The following NPAS2 variants were observed in gnomAD, a reference collection of about 807,000 sequenced individuals.
NPAS2 encodes the protein neuronal PAS domain-containing protein 2.
Under a neutral mutation model 107.5 loss-of-function variants are expected in NPAS2, and 23 were observed. That is an observed-to-expected ratio of 0.21 (90% CI 0.15 to 0.30). The LOEUF (loss-of-function observed/expected upper bound fraction) is 0.30, where lower values mean the gene tolerates loss of function less well. Ranked by LOEUF, NPAS2 falls within the 10% of genes least tolerant of loss-of-function variation. The pLI is 1.00. For synonymous variants in NPAS2, 403 were observed against 417.5 expected (o/e 0.97, Z 0.42); for missense variants, 756 against 1,043.3 (o/e 0.72, Z 3.79).
At chr2:100,916,950 A>G (rs1012676215) in intron 2 of NPAS2, among the ~76,000 whole-genome samples, 10 of 152,226 alleles carry the variant, frequency 6.6e-5, no homozygotes, top group African/African-American at 2.4e-4. Context: ...AGTCTCAAGG[A>G]TATTAGAAAA....
intron 4 of NPAS2, among the ~76,000 whole-genome samples, chr2:100,934,592 A>C (rs1684183993): frequency 6.6e-6 from 1 of 152,196 alleles, no homozygotes; most frequent in South Asian, 2.1e-4. Context: ...TTCTGGGTGA[A>C]TGGCAGCTGT....
At chr2:100,930,718 T>C (rs1457207314) in intron 3 of NPAS2, among the ~76,000 whole-genome samples, 3 of 152,224 alleles carry the variant, frequency 2.0e-5, no homozygotes, top group African/African-American at 7.2e-5. Flanking sequence ...TTCAGTGTTA[T>C]TATGCTAGCG....
chr2:100,903,512 TA>T (rs1389296717), intron 1 of NPAS2, among the ~76,000 whole-genome samples: 1 of 152,220 alleles, frequency 6.6e-6, no homozygotes, highest in African/African-American at 2.4e-5. Flanking sequence ...ATCACAAAAC[TA>T]AATGAGCTCA....
At chr2:100,929,952 A>G (rs1683833173) in intron 3 of NPAS2, among the ~76,000 whole-genome samples, 2 of 152,232 alleles carry the variant, frequency 1.3e-5, no homozygotes, top group South Asian at 4.1e-4. Context: ...TCGGAAATGA[A>G]TTTTAATCCT....
chr2:100,833,123 G>A (rs774935166), intron 1 of NPAS2, among the ~76,000 whole-genome samples: 20 of 152,208 alleles, frequency 1.3e-4, no homozygotes, highest in Non-Finnish European at 2.1e-4. Flanking sequence ...AAATCACAGT[G>A]TGTGAGTGGC....
At chr2:100,925,441 C>A in intron 3 of NPAS2, 147 bp downstream of exon 3, 1 of 758,766 alleles carries the variant, frequency 1.3e-6, no homozygotes, top group Non-Finnish European at 2.1e-6. Context: ...AAAGACACTC[C>A]ACCCTCTATC....
At chr2:100,995,169 C>A (rs1678374088) in intron 20 of NPAS2, 1 of 471,298 alleles carries the variant, frequency 2.1e-6, no homozygotes, top group South Asian at 5.6e-5. Flanking sequence ...CCAGAAGGTG[C>A]CCCCACTATT....
intron 1 of NPAS2, among the ~76,000 whole-genome samples, chr2:100,842,081 G>GCGCGCGCACACACACACACACACACA: frequency 1.3e-3 from 188 of 148,896 alleles, no homozygotes; most frequent in Admixed American, 2.4e-3. Context: ...GCATGTACGC[G>GCGCGCGCACACACACACACACACACA]CACACACACA....
At chr2:100,849,388 C>A (rs1678002582) in intron 1 of NPAS2, among the ~76,000 whole-genome samples, 1 of 152,146 alleles carries the variant, frequency 6.6e-6, no homozygotes, top group Admixed American at 6.5e-5. Flanking sequence ...GTGGGAGGAT[C>A]ATGGCTTGGA....
chr2:100,835,526 C>G (rs1369736712), intron 1 of NPAS2, among the ~76,000 whole-genome samples: 2 of 152,170 alleles, frequency 1.3e-5, no homozygotes. Flanking sequence ...GGAACGCTTG[C>G]AGGAAAATCT....
chr2:100,970,696 A>G, intron 11 of NPAS2: 1 of 298,244 alleles, frequency 3.4e-6, no homozygotes, highest in Non-Finnish European at 6.2e-6. Flanking sequence ...TTTAAAGACA[A>G]TTACAATTGG....
At chr2:100,959,232 T>C (rs1675778344) in intron 7 of NPAS2, among the ~76,000 whole-genome samples, 1 of 151,736 alleles carries the variant, frequency 6.6e-6, no homozygotes. Flanking sequence ...ATCGCACCAC[T>C]GTGTTCCAGC....
intron 5 of NPAS2, among the ~76,000 whole-genome samples, chr2:100,944,477 C>T (rs959527599): frequency 3.9e-5 from 6 of 152,246 alleles, no homozygotes; most frequent in African/African-American, 7.2e-5. Flanking sequence ...TCGTGGGACT[C>T]GGCTGTAAAG....
chr2:100,954,674 A>G (rs1558907243), intron 7 of NPAS2, among the ~76,000 whole-genome samples: 1 of 123,004 alleles, frequency 8.1e-6, no homozygotes, highest in African/African-American at 3.1e-5. Flanking sequence ...CAAAAAAAAA[A>G]AAAAAAGAAA....
intron 7 of NPAS2, 71 bp from the exon 8 acceptor site, chr2:100,963,987 T>C: frequency 1.1e-6 from 1 of 915,304 alleles, no homozygotes; most frequent in African/African-American, 1.6e-5. Flanking sequence ...TACAGTTAAG[T>C]GCCAACTAGG....
Position 100,854,158 on chromosome 2 carries a change from C to CA in NPAS2, c.-23+33769dup, listed in dbSNP as rs70943046. Among the ~76,000 whole-genome samples the CA allele has an allele frequency of 3.8e-3, 227 of 59,600 alleles. 4 individuals are homozygous for CA. Among genetic ancestry groups the CA allele is most frequent in the East Asian group, 8.8e-3 (16 of 1,822 alleles). 39.1% of individuals were successfully genotyped at this position (59,600 alleles called of 152,430 possible). ...GGCTTTTGGACATAGCCTGCCTCAA[C>CA]AAAAAAAAAAAAAAAAAAAAAAAAA... On this transcript the variant is annotated intron_variant, in intron 1 of 20. Transcript: ENST00000335681.
chr2:100,823,350 A>T lies in NPAS2; in HGVS notation c.-23+2936A>T, dbSNP rs184826540. On this transcript the variant is annotated intron_variant, in intron 1 of 20. Transcript: ENST00000335681. ...TTAAGGAGTCCTTGGCATTTTAAGCAAAGTCATTTCTTAGGTAAAGTTCCC... is the reference window on the plus strand; with the variant it reads ...TTAAGGAGTCCTTGGCATTTTAAGCTAAGTCATTTCTTAGGTAAAGTTCCC... Among the ~76,000 whole-genome samples the T allele has an allele frequency of 6.8e-4, 104 of 152,320 alleles. 1 individual carries two copies. Among genetic ancestry groups the T allele is most frequent in the Admixed American group, 3.5e-3 (54 of 15,296 alleles).
intron 7 of NPAS2, among the ~76,000 whole-genome samples, chr2:100,961,068 G>C (rs1483823478): frequency 6.6e-6 from 1 of 152,184 alleles, no homozygotes; most frequent in East Asian, 1.9e-4. Flanking sequence ...AAACAGGGCT[G>C]CTCCTGCAGT....
chr2:100,965,315 G>C lies in NPAS2; in HGVS notation c.801-345G>C, dbSNP rs1398067525. Among the ~76,000 whole-genome samples, 1 of 152,036 alleles carries C rather than the reference G, an allele frequency of 6.6e-6. No homozygotes were observed. The highest frequency in any genetic ancestry group is 1.5e-5 in the Non-Finnish European group (1 of 68,018). On this transcript the variant is annotated intron_variant, in intron 9 of 20. Transcript: ENST00000335681. The surrounding 1 kb of genome is among the most constrained non-coding windows in gnomAD (Gnocchi z 4.3). ...TGTTTCTTTTGTAACATTATTTGCA[G>C]TTGAAGAACTCCAAATCTCCCCTCC...
Sources: gnomAD v4.1 joint callset for allele counts (sites outside exome capture counted in the v4.1 genomes callset) on GRCh38, gnomAD v4.1.1 for gene constraint, Gnocchi (gnomAD v3.1) non-coding constraint, MANE v1.5 for transcripts, NCBI Gene and HGNC (gene_info 2026-07-23, HGNC 2026-07-21) for gene names.